The following TNRC18 variants were observed in gnomAD, a reference collection of about 807,000 sequenced individuals.
TNRC18 encodes trinucleotide repeat-containing gene 18 protein.
Under a neutral mutation model 226.7 loss-of-function variants are expected in TNRC18, and 69 were observed. The observed-to-expected ratio is 0.30, with a 90% CI of 0.25 to 0.37. TNRC18 has a LOEUF of 0.37. Among genes scored for constraint, TNRC18 ranks in the 10% least tolerant of loss-of-function variants. The pLI is 1.00. For synonymous variants in TNRC18, 2,449 were observed against 1,927.6 expected (o/e 1.27, Z -7.09); for missense variants, 4,754 against 4,256.6 (o/e 1.12, Z -3.25).
chr7:5,316,543 T>G (rs1301467005), intron 24 of TNRC18, among the ~76,000 whole-genome samples: 1 of 152,016 alleles, frequency 6.6e-6, no homozygotes, highest in African/African-American at 2.4e-5. Context: ...CCTCCCAAAG[T>G]GCTGGGATTA....
rs752577621 is a variant in TNRC18, at chr7:5,387,890, G to A, written c.1934C>T (p.Ala645Val). 29 of 1,590,574 alleles carry A rather than the reference G, an allele frequency of 1.8e-5. No homozygotes were observed. Among genetic ancestry groups the A allele is most frequent in the Non-Finnish European group, 2.3e-5 (27 of 1,170,548 alleles). Residue 645 changes from alanine (A) to valine (V), a missense_variant, in exon 5 of 30, where the codon GCG becomes GTG. Transcript: ENST00000430969. ...ARLPHSGGPA[A>V]GGGRQLKRDP... The stretch of plus-strand genomic sequence containing the variant: ...CCGCTTCAGCTGCCGGCCGCCGCCC[G>A]CTGCAGGGCCTCCGGAGTGTGGGAG...
rs1346044670 is a variant in TNRC18 at position 5,325,250 on chromosome 7, T to C, written c.6148-2A>G. ...CCCAGCCTCTTTCCCTTTCTTCTTC[T>C]GGAGGAGGAAGCAGCAGAGAGGAGC... On this transcript the variant is annotated splice_acceptor_variant, in intron 19 of 29. Transcript: ENST00000430969. LOFTEE classifies it high-confidence loss of function. 6.4e-7 allele frequency: 1 copy of C among 1,551,064 alleles called. No individual in the cohort carries two copies. Among genetic ancestry groups the C allele is most frequent in the Non-Finnish European group, 8.7e-7 (1 of 1,153,892 alleles).
intron 3 of TNRC18, among the ~76,000 whole-genome samples, chr7:5,392,939 G>C (rs1279947801): frequency 6.6e-6 from 1 of 152,128 alleles, no homozygotes; most frequent in Admixed American, 6.5e-5. Flanking sequence ...TTGAGCCTGG[G>C]AGGCGGAGGT....
intron 2 of TNRC18, among the ~76,000 whole-genome samples, chr7:5,415,992 T>G (rs1263476521): frequency 6.6e-6 from 1 of 150,846 alleles, no homozygotes; most frequent in African/African-American, 2.4e-5. Flanking sequence ...CAGGCGCCTG[T>G]AATCCCAGCT....
At chr7:5,337,818 A>C (rs1476627514) in intron 18 of TNRC18, among the ~76,000 whole-genome samples, 1 of 152,072 alleles carries the variant, frequency 6.6e-6, no homozygotes, top group Non-Finnish European at 1.5e-5. Flanking sequence ...CCCCATCTCT[A>C]CTAAAAATAC....
rs1350125710 is a variant in TNRC18, at chr7:5,307,012, A to G, written c.*1094T>C. The G allele has an allele frequency of 4.8e-5, 7 of 144,760 alleles. 1 individual carries two copies. The highest frequency in any genetic ancestry group is 1.8e-4 in the African/African-American group (7 of 39,134). 9.0% of individuals were successfully genotyped at this position (144,760 alleles called of 1,614,324 possible). ...GTTAAGTGCTTTCTGGGGCCCAAGCAGGGACCCTGGGCTTGGGCCGGCTCC... is the reference window on the plus strand; with the variant it reads ...GTTAAGTGCTTTCTGGGGCCCAAGCGGGGACCCTGGGCTTGGGCCGGCTCC... On this transcript the variant is annotated 3_prime_UTR_variant, in exon 30 of 30. Transcript: ENST00000430969.
Position 5,408,552 on chromosome 7 carries a change from C to T in TNRC18, c.187+12508G>A, listed in dbSNP as rs1015564244. On this transcript the variant is annotated intron_variant, in intron 2 of 29. Transcript: ENST00000430969. ...ACTCGGGAGGCTGAGGCAGGAGAAT[C>T]GCTTGAACCTAGGAGGTGGAGGTAG... is the stretch of plus-strand genomic sequence containing the variant. Among the ~76,000 whole-genome samples, 40 of 151,666 alleles carry T rather than the reference C, an allele frequency of 2.6e-4. 1 individual carries two copies. Among genetic ancestry groups the T allele is most frequent in the Non-Finnish European group, 1.3e-4 (9 of 67,920 alleles).
In TNRC18 at chr7:5,420,837, G is replaced by A. The variant is rs955350865; in HGVS notation, c.187+223C>T. 6.8e-5 allele frequency: 49 copies of A among 720,712 alleles called. 1 individual carries two copies. The highest frequency in any genetic ancestry group is 2.3e-4 in the Middle Eastern group (1 of 4,400). The allele number at this position is 720,712 out of a possible 1,614,324, so 44.6% of individuals were successfully genotyped here. A position where few individuals can be genotyped will look rare whatever the true frequency, so the allele number is the denominator to read the frequency against. ...TACCACACCGGCTTTCGGCTCACGA[G>A]GGCCAAGCACGCTACGGAAAAGGTA... On this transcript the variant is annotated intron_variant, in intron 2 of 29. Coordinates refer to ENST00000430969, the MANE Select transcript of TNRC18 (RefSeq NM_001080495.3).
At chr7:5,419,917 G>A (rs1584139854) in intron 2 of TNRC18, 1 of 158,792 alleles carries the variant, frequency 6.3e-6, no homozygotes, top group East Asian at 1.9e-4. Flanking sequence ...CCAAGGAAGA[G>A]GGGAGCATCG....
chr7:5,359,413 C>T lies in TNRC18; in HGVS notation c.4818G>A (p.Ser1606=), dbSNP rs12531309. 5.8e-5 allele frequency: 93 copies of T among 1,613,746 alleles called. No individual in the cohort carries two copies. The African/African-American group carries it at 9.1e-4, about 16-fold the overall frequency. Residue 1606 remains serine (S), a synonymous_variant, in exon 15 of 30, where the codon TCG becomes TCA. Transcript: ENST00000430969. Reference sequence around the variant, plus strand: ...GGTTACTCACCTGACTGATGAAGTCCGACGAGGCCTCATGTTCATCCCAAG... The same window carrying T: ...GGTTACTCACCTGACTGATGAAGTCTGACGAGGCCTCATGTTCATCCCAAG... The part of the protein sequence containing the change: ...NQTWDEHEAS[S]DFISQLKIKK...
intron 2 of TNRC18, among the ~76,000 whole-genome samples, chr7:5,404,708 C>T (rs1781346774): frequency 6.6e-6 from 1 of 151,900 alleles, no homozygotes; most frequent in African/African-American, 2.4e-5. Flanking sequence ...CCAAAATGAT[C>T]TGCAGATTCC....
chr7:5,376,138 G>C lies in TNRC18; in HGVS notation c.2695C>G (p.Leu899Val). The change falls in exon 9 of 30, where the codon CTG (leucine) becomes GTG (valine). Residue 899 changes from leucine (L) to valine (V), a missense_variant. Physicochemically the swap from Leu to Val is conservative, Grantham distance 32. Transcript: ENST00000430969. Reference sequence around the variant, plus strand: ...AAGTGCTGCTGTGAGAAGAGCTGCAGCTGCTGGGCGTGGTGCAGGGGGCTG... The same window carrying C: ...AAGTGCTGCTGTGAGAAGAGCTGCACCTGCTGGGCGTGGTGCAGGGGGCTG... ...GRSPLHHAQQ[L>V]QLFSQQHFLR... 3 of 1,588,210 alleles carry C rather than the reference G, an allele frequency of 1.9e-6. No homozygotes were observed. Among genetic ancestry groups the C allele is most frequent in the Non-Finnish European group, 2.6e-6 (3 of 1,168,310 alleles).
intron 2 of TNRC18, among the ~76,000 whole-genome samples, chr7:5,416,308 G>C (rs544483952): frequency 5.3e-5 from 8 of 151,650 alleles, no homozygotes; most frequent in Admixed American, 2.6e-4. Context: ...CCAGCTACTC[G>C]GGAGGCTGAG....
At position 5,394,522 on chromosome 7, in the gene TNRC18, T is replaced by C. The variant is rs990887872; in HGVS notation, c.261A>G (p.Pro87=). The part of the protein sequence containing the change: ...PSASSHGSPV[P]LPSDLSFRSP... Reference sequence around the variant, plus strand: ...AGCGGAAAGACAGGTCAGAGGGCAGTGGCACTGGGCTCCCATGGGACGAGG... The same window carrying C: ...AGCGGAAAGACAGGTCAGAGGGCAGCGGCACTGGGCTCCCATGGGACGAGG... The change falls in exon 3 of 30, where the codon CCA becomes CCG. Residue 87 remains proline, a synonymous_variant. Transcript: ENST00000430969. The surrounding 1 kb of genome is among the most constrained non-coding windows in gnomAD (Gnocchi z 4.5). 38 of 1,555,896 alleles carry C rather than the reference T, an allele frequency of 2.4e-5. No homozygotes were observed. Among genetic ancestry groups the C allele is most frequent in the Non-Finnish European group, 3.0e-5 (34 of 1,151,948 alleles).
rs146791165 is a variant in TNRC18 at position 5,407,675 on chromosome 7, G to C, written c.188-13080C>G. Among the ~76,000 whole-genome samples, 854 of 152,318 alleles carry C rather than the reference G, an allele frequency of 5.6e-3. 4 individuals carry two copies. The highest frequency in any genetic ancestry group is 0.019 in the African/African-American group (802 of 41,564). The stretch of plus-strand genomic sequence containing the variant: ...TTTAAATAAAGGGAATCCCAAAGGC[G>C]GCCAAGGAGAGGTCAAGGCCTCAGG... On this transcript the variant is annotated intron_variant, in intron 2 of 29. Coordinates refer to ENST00000430969, the MANE Select transcript of TNRC18 (RefSeq NM_001080495.3).
At chr7:5,352,504 G>A (rs1465900399) in intron 16 of TNRC18, among the ~76,000 whole-genome samples, 2 of 152,244 alleles carry the variant, frequency 1.3e-5, no homozygotes, top group Non-Finnish European at 2.9e-5. Context: ...TGACTCAGGA[G>A]GGAAAGGGCT....
At position 5,313,318 on chromosome 7, in the gene TNRC18, G is replaced by A; in HGVS notation, c.7573C>T (p.Leu2525Phe). 3 of 1,549,750 alleles carry A rather than the reference G, an allele frequency of 1.9e-6. No homozygotes were observed. The highest frequency in any genetic ancestry group is 2.6e-6 in the Non-Finnish European group (3 of 1,147,436). ...AGCCCCGGCCCGGGCTCCTGGGCGA[G>A]GTCCCCGTCGGTGGCCTTGGGCCAG... ...APWPKATDGD[L>F]AQEPGPGLTF... Residue 2525 changes from leucine to phenylalanine, a missense_variant, in exon 27 of 30, where the codon CTC (leucine) becomes TTC (phenylalanine). Physicochemically the swap from Leu to Phe is conservative, Grantham distance 22. Transcript: ENST00000430969.
Position 5,321,082 on chromosome 7 carries a change from G to A in TNRC18, c.6551C>T (p.Ser2184Leu), listed in dbSNP as rs904445926. 5.1e-5 allele frequency: 79 copies of A among 1,545,692 alleles called. No individual in the cohort carries two copies. The highest frequency in any genetic ancestry group is 6.5e-5 in the Non-Finnish European group (74 of 1,143,470). Residue 2184 changes from serine to leucine, a missense_variant, in exon 22 of 30, where the codon TCG becomes TTG. Transcript: ENST00000430969. ...LYAGHVQTVH[S>L]PDIYRVVVEG... Reference sequence around the variant, plus strand: ...CTCCCACCCCACTCACATGTCTGGCGAGTGCACGGTCTGCACGTGCCCGGC... The same window carrying A: ...CTCCCACCCCACTCACATGTCTGGCAAGTGCACGGTCTGCACGTGCCCGGC...
At chr7:5,350,800 C>T (rs1482375486) in intron 17 of TNRC18, among the ~76,000 whole-genome samples, 1 of 152,150 alleles carries the variant, frequency 6.6e-6, no homozygotes, top group Non-Finnish European at 1.5e-5. Flanking sequence ...GGCTGAGGAC[C>T]CCGGGCTGGG....
Sources: gnomAD v4.1 joint callset for allele counts (sites outside exome capture counted in the v4.1 genomes callset) on GRCh38, gnomAD v4.1.1 for gene constraint, Gnocchi (gnomAD v3.1) non-coding constraint, MANE v1.5 for transcripts, NCBI Gene and HGNC (gene_info 2026-07-23, HGNC 2026-07-21) for gene names.